Variants in NFE2L2 observed in about 807,000 individuals in gnomAD.
NFE2L2 encodes the protein nuclear factor erythroid 2-related factor 2.
A neutral mutation model predicts 49.6 loss-of-function variants in NFE2L2; 20 were observed. The ratio of observed to expected loss-of-function variants is 0.40; its 90% CI spans 0.28 to 0.59. The LOEUF (loss-of-function observed/expected upper bound fraction) is 0.59. Ranked by LOEUF, NFE2L2 falls within the 20% of genes least tolerant of loss-of-function variation. NFE2L2 has a pLI of 0.40. For synonymous variants in NFE2L2, 244 were observed against 256.5 expected (o/e 0.95, Z 0.47); for missense variants, 578 against 714.2 (o/e 0.81, Z 2.17).
rs774586750 is a variant in NFE2L2 at position 177,231,263 on chromosome 2, G to C, written c.1340C>G (p.Ser447Ter). ...TGTGAGATGAGCCTCCAAGCGGCTT[G>C]AATGTTTGTCTTTTGTGAATGGGGT... ...RKTPFTKDKH[S>*]SRLEAHLTRD... Residue 447 changes from serine to a stop codon, truncating the protein, a stop_gained, in exon 5 of 5, where the codon TCA becomes TGA. Transcript: ENST00000397062. LOFTEE classifies it high-confidence loss of function. 1.2e-6 allele frequency: 2 copies of C among 1,614,190 alleles called. No individual in the cohort carries two copies. The highest frequency in any genetic ancestry group is 1.7e-5 in the Admixed American group (1 of 60,020).
intron 1 of NFE2L2, among the ~76,000 whole-genome samples, chr2:177,255,182 T>C (rs1331468627): frequency 6.6e-6 from 1 of 152,166 alleles, no homozygotes; most frequent in African/African-American, 2.4e-5. Flanking sequence ...AGGCGAGTCA[T>C]GTCTACCCGC....
At chr2:177,259,849 G>A (rs1026546383) in intron 1 of NFE2L2, among the ~76,000 whole-genome samples, 9 of 151,826 alleles carry the variant, frequency 5.9e-5, no homozygotes, top group East Asian at 1.9e-4. Context: ...GGAGAATGGC[G>A]TGAACCCGGG....
rs1689512504 is a variant in NFE2L2, at chr2:177,230,762, G to A, written c.*23C>T. Reference sequence around the variant, plus strand: ...ATAATAGTACAAAAAAACTAGCTCAGAAAAGGTCAAATCCTCCTAAATCTA... The same window carrying A: ...ATAATAGTACAAAAAAACTAGCTCAAAAAAGGTCAAATCCTCCTAAATCTA... On this transcript the variant is annotated 3_prime_UTR_variant, in exon 5 of 5. Coordinates refer to ENST00000397062, the MANE Select transcript of NFE2L2 (RefSeq NM_006164.5). 3 of 1,551,840 alleles carry A rather than the reference G, an allele frequency of 1.9e-6. No individual in the cohort carries two copies. The highest frequency in any genetic ancestry group is 2.6e-6 in the Non-Finnish European group (3 of 1,156,802).
In NFE2L2 at chr2:177,264,671, CGGCG is replaced by C. The variant is rs1291020425; in HGVS notation, c.-99_-96del. The C allele has an allele frequency of 8.4e-4, 983 of 1,171,478 alleles. 4 individuals are homozygous for C. Among genetic ancestry groups the C allele is most frequent in the Non-Finnish European group, 1.0e-3 (945 of 918,624 alleles). The allele number at this position is 1,171,478 out of a possible 1,614,324, so 72.6% of individuals were successfully genotyped here. ...GACAGGGCGGCTCTGGTGGCGGCGG[CGGCG>C]GCGGTGGCGGCTGCGTCGGCGGCTC... On this transcript the variant is annotated 5_prime_UTR_variant, in exon 1 of 5. Coordinates refer to ENST00000397062, the MANE Select transcript of NFE2L2 (RefSeq NM_006164.5).
chr2:177,231,228 G>T lies in NFE2L2; in HGVS notation c.1375C>A (p.Leu459Ile). The part of the protein sequence containing the change: ...RLEAHLTRDE[L>I]RAKALHIPFP... The stretch of plus-strand genomic sequence containing the variant: ...GGGATATGGAGAGCTTTTGCCCTAA[G>T]TTCATCTCTTGTGAGATGAGCCTCC... Residue 459 changes from leucine to isoleucine, a missense_variant, in exon 5 of 5, where the codon CTT becomes ATT. Leu to Ile is a conservative substitution (Grantham distance 5). Transcript: ENST00000397062. 1 of 1,614,190 alleles carries T rather than the reference G, an allele frequency of 6.2e-7. No individual in the cohort carries two copies. The highest frequency in any genetic ancestry group is 8.5e-7 in the Non-Finnish European group (1 of 1,180,032).
chr2:177,243,789 A>C (rs1418514223), intron 1 of NFE2L2, among the ~76,000 whole-genome samples: 1 of 152,132 alleles, frequency 6.6e-6, no homozygotes, highest in Non-Finnish European at 1.5e-5. Context: ...ACAGGCATGA[A>C]CCACTGTGCC....
intron 1 of NFE2L2, among the ~76,000 whole-genome samples, chr2:177,250,022 T>A (rs188661334): frequency 6.6e-6 from 1 of 152,156 alleles, no homozygotes; most frequent in Non-Finnish European, 1.5e-5. Flanking sequence ...CTGAAATCAA[T>A]GGGAAAATTC....
At chr2:177,252,809 G>A (rs565843793) in intron 1 of NFE2L2, among the ~76,000 whole-genome samples, 2 of 152,192 alleles carry the variant, frequency 1.3e-5, no homozygotes, top group Non-Finnish European at 1.5e-5. Context: ...GTGTGCTGAT[G>A]TCAAACCAAC....
At chr2:177,235,737 G>A (rs2105462047) in intron 1 of NFE2L2, among the ~76,000 whole-genome samples, 1 of 152,190 alleles carries the variant, frequency 6.6e-6, no homozygotes, top group South Asian at 2.1e-4. Context: ...TGAAGTGAGA[G>A]GATTGCTTGA....
chr2:177,244,672 A>G (rs936280972), intron 1 of NFE2L2, among the ~76,000 whole-genome samples: 5 of 152,214 alleles, frequency 3.3e-5, no homozygotes, highest in Non-Finnish European at 7.3e-5. Flanking sequence ...TGGGCATTTG[A>G]AAGCAAAGGA....
intron 1 of NFE2L2, among the ~76,000 whole-genome samples, chr2:177,250,321 A>G (rs1574275932): frequency 6.6e-6 from 1 of 152,222 alleles, no homozygotes; most frequent in African/African-American, 2.4e-5. Context: ...CAGAAATTGT[A>G]TTTCAACTGC....
intron 1 of NFE2L2, among the ~76,000 whole-genome samples, chr2:177,248,492 C>T (rs368170316): frequency 2.1e-4 from 32 of 152,298 alleles, no homozygotes; most frequent in African/African-American, 7.0e-4. Flanking sequence ...TCACCGCAAC[C>T]GCCGCCTCCC....
chr2:177,240,259 G>A (rs1689895353), intron 1 of NFE2L2, among the ~76,000 whole-genome samples: 1 of 152,202 alleles, frequency 6.6e-6, no homozygotes, highest in Non-Finnish European at 1.5e-5. Flanking sequence ...CTTTGAGGAA[G>A]TGCAAGTCCC....
intron 1 of NFE2L2, 122 bp downstream of exon 1, chr2:177,264,410 G>A (rs540117551): frequency 2.9e-6 from 3 of 1,032,494 alleles, no homozygotes; most frequent in Non-Finnish European, 1.3e-6. Context: ...CCAGCGCCGC[G>A]GTCCTGGCTC....
chr2:177,238,606 G>A (rs1050774304), intron 1 of NFE2L2, among the ~76,000 whole-genome samples: 8 of 152,210 alleles, frequency 5.3e-5, no homozygotes, highest in Admixed American at 2.6e-4. Context: ...ACTACTTGCT[G>A]TATAAGCGAG....
intron 1 of NFE2L2, among the ~76,000 whole-genome samples, chr2:177,234,712 T>C (rs973204456): frequency 6.6e-6 from 1 of 152,210 alleles, no homozygotes; most frequent in African/African-American, 2.4e-5. Flanking sequence ...TCAGCAAATA[T>C]CCAGTTTATA....
At chr2:177,243,760 C>G (rs1344003954) in intron 1 of NFE2L2, among the ~76,000 whole-genome samples, 1 of 152,162 alleles carries the variant, frequency 6.6e-6, no homozygotes, top group African/African-American at 2.4e-5. Flanking sequence ...CTGCCTTGGT[C>G]TCCCAAAGTG....
At chr2:177,258,104 T>C (rs1415383916) in intron 1 of NFE2L2, among the ~76,000 whole-genome samples, 1 of 152,216 alleles carries the variant, frequency 6.6e-6, no homozygotes, top group Non-Finnish European at 1.5e-5. Context: ...TTTTAAATAC[T>C]GATGGTGAGT....
chr2:177,248,862 T>A (rs969611776), intron 1 of NFE2L2, among the ~76,000 whole-genome samples: 1 of 152,188 alleles, frequency 6.6e-6, no homozygotes, highest in Non-Finnish European at 1.5e-5. Flanking sequence ...TCATGTCCCC[T>A]GCCCAGCCTC....
Sources: allele counts gnomAD v4.1 joint callset (sites outside exome capture counted in the v4.1 genomes callset), GRCh38; gene constraint gnomAD v4.1.1; transcripts MANE v1.5; gene names NCBI Gene and HGNC (gene_info 2026-07-23, HGNC 2026-07-21).